The following XRCC4 variants were observed in gnomAD, a reference collection of about 807,000 sequenced individuals.
The protein encoded by XRCC4 is DNA repair protein XRCC4.
Under a neutral mutation model 39.1 loss-of-function variants are expected in XRCC4, and 28 were observed. The observed-to-expected ratio is 0.72, with a 90% confidence interval of 0.53 to 0.98. The LOEUF (loss-of-function observed/expected upper bound fraction) is 0.98, where lower values mean the gene tolerates loss of function less well. Among genes scored for constraint, XRCC4 ranks in the 50% least tolerant of loss-of-function variants. The pLI is 0.00. For synonymous variants in XRCC4, 123 were observed against 126.4 expected (o/e 0.97, Z 0.18); for missense variants, 350 against 376.4 (o/e 0.93, Z 0.58).
chr5:83,284,009 A>G (rs1754643310), intron 7 of XRCC4, among the ~76,000 whole-genome samples: 1 of 149,178 alleles, frequency 6.7e-6, no homozygotes, highest in East Asian at 2.0e-4. Flanking sequence ...GAGAAGATTC[A>G]TAAACTTAAG....
At chr5:83,368,366 C>G in the XRCC4 span, among the ~76,000 whole-genome samples, 2 of 152,118 alleles carry the variant, frequency 1.3e-5, no homozygotes, top group Admixed American at 6.6e-5. Flanking sequence ...AAGAATGGCC[C>G]ATGTGAAGTG....
chr5:83,316,166 G>A (rs1394150279), intron 7 of XRCC4, among the ~76,000 whole-genome samples: 1 of 152,036 alleles, frequency 6.6e-6, no homozygotes, highest in African/African-American at 2.4e-5. Context: ...GAAGCAGCAG[G>A]AGAACTAGAA....
intron 7 of XRCC4, among the ~76,000 whole-genome samples, chr5:83,268,402 C>G (rs891864487): frequency 6.6e-6 from 1 of 152,148 alleles, no homozygotes; most frequent in African/African-American, 2.4e-5. Flanking sequence ...CTTTTCCATG[C>G]TGCTATATTT....
At chr5:83,168,938 G>A (rs1303921559) in intron 3 of XRCC4, among the ~76,000 whole-genome samples, 1 of 152,104 alleles carries the variant, frequency 6.6e-6, no homozygotes, top group Non-Finnish European at 1.5e-5. Context: ...GTATAACAAA[G>A]AGAATCCCCG....
intron 2 of XRCC4, among the ~76,000 whole-genome samples, chr5:83,105,632 C>T (rs1254784857): frequency 6.6e-6 from 1 of 152,098 alleles, no homozygotes; most frequent in East Asian, 1.9e-4. Context: ...TAATGACCCT[C>T]AAATCATGTA....
intron 7 of XRCC4, among the ~76,000 whole-genome samples, chr5:83,264,047 T>C (rs563424734): frequency 2.1e-4 from 32 of 152,212 alleles, no homozygotes; most frequent in Non-Finnish European, 4.3e-4. Flanking sequence ...TTCAGCCCAG[T>C]ATTTCCCCAC....
the XRCC4 span, among the ~76,000 whole-genome samples, chr5:83,372,703 A>C: frequency 2.6e-5 from 4 of 152,314 alleles, no homozygotes; most frequent in Non-Finnish European, 5.9e-5. Flanking sequence ...GTATTTTCTC[A>C]ATCTACAGAC....
intron 7 of XRCC4, among the ~76,000 whole-genome samples, chr5:83,264,305 C>A (rs1753877383): frequency 6.6e-6 from 1 of 152,078 alleles, no homozygotes; most frequent in Admixed American, 6.6e-5. Context: ...CCCACAGTAA[C>A]CCAGTTGCAG....
chr5:83,147,777 G>GTA (rs1323577412), intron 3 of XRCC4, among the ~76,000 whole-genome samples: 3 of 148,660 alleles, frequency 2.0e-5, no homozygotes, highest in South Asian at 2.1e-4. Context: ...ATTGCGCAAT[G>GTA]TATATATATT....
intron 7 of XRCC4, among the ~76,000 whole-genome samples, chr5:83,334,173 G>GA (rs1756522512): frequency 6.6e-6 from 1 of 151,762 alleles, no homozygotes; most frequent in Non-Finnish European, 1.5e-5. Flanking sequence ...CTTTCTATAG[G>GA]AAAAATCACA....
At chr5:83,136,880 C>CA (rs1747922311) in intron 3 of XRCC4, among the ~76,000 whole-genome samples, 1 of 151,946 alleles carries the variant, frequency 6.6e-6, no homozygotes, top group African/African-American at 2.4e-5. Flanking sequence ...TAATTTATAC[C>CA]ATGGTGACTA....
At chr5:83,168,203 A>G (rs969702102) in intron 3 of XRCC4, among the ~76,000 whole-genome samples, 10 of 152,188 alleles carry the variant, frequency 6.6e-5, no homozygotes, top group African/African-American at 2.2e-4. Flanking sequence ...AAGAGATAAA[A>G]ATAACATACC....
chr5:83,335,148 C>T (rs574909958), intron 7 of XRCC4, among the ~76,000 whole-genome samples: 3 of 152,008 alleles, frequency 2.0e-5, no homozygotes, highest in African/African-American at 7.2e-5. Flanking sequence ...TTAACCCACC[C>T]TACCTAAGTT....
intron 1 of XRCC4, among the ~76,000 whole-genome samples, chr5:83,094,298 G>A (rs1463830640): frequency 3.0e-4 from 21 of 70,892 alleles, no homozygotes; most frequent in Non-Finnish European, 4.9e-4. Flanking sequence ...CTCCTTTCCC[G>A]TTCCCTCCCC....
intron 3 of XRCC4, among the ~76,000 whole-genome samples, chr5:83,184,691 C>T (rs1034979201): frequency 6.6e-6 from 1 of 152,138 alleles, no homozygotes; most frequent in African/African-American, 2.4e-5. Context: ...TATTTGCTTA[C>T]TCACTGTTTC....
At chr5:83,220,375 C>T (rs1163405495) in intron 6 of XRCC4, among the ~76,000 whole-genome samples, 1 of 152,124 alleles carries the variant, frequency 6.6e-6, no homozygotes, top group Non-Finnish European at 1.5e-5. Flanking sequence ...TGACTGGAAT[C>T]TCTACCACAA....
At chr5:83,285,511 G>C (rs1221875522) in intron 7 of XRCC4, among the ~76,000 whole-genome samples, 1 of 152,084 alleles carries the variant, frequency 6.6e-6, no homozygotes, top group East Asian at 1.9e-4. Flanking sequence ...ATAAAAACAG[G>C]TCATTACACT....
chr5:83,194,817 A>G (rs947430308), intron 3 of XRCC4, among the ~76,000 whole-genome samples: 7 of 152,184 alleles, frequency 4.6e-5, no homozygotes, highest in East Asian at 1.9e-4. Context: ...ACAGCATAGC[A>G]TAGCAGAATC....
rs193300323 is a variant in XRCC4 at position 83,140,836 on chromosome 5, A to G, written c.315+29633A>G. On this transcript the variant is annotated intron_variant, in intron 3 of 7. Transcript: ENST00000396027. ...TTATTTACTTTTGGGTATGTGAACA[A>G]TTACAAAAAATCAGAACTACCTAAA... Among the ~76,000 whole-genome samples the G allele has an allele frequency of 8.7e-4, 133 of 152,260 alleles. No individual in the cohort carries two copies. The Middle Eastern group carries it at 0.01, about 12-fold the overall frequency.
Sources: allele counts gnomAD v4.1 joint callset (sites outside exome capture counted in the v4.1 genomes callset), GRCh38; gene constraint gnomAD v4.1.1; transcripts MANE v1.5; gene names NCBI Gene and HGNC (gene_info 2026-07-23, HGNC 2026-07-21).